The following RBBP9 variants were observed in gnomAD, a reference collection of about 807,000 sequenced individuals.
RBBP9 encodes serine hydrolase RBBP9.
A neutral mutation model predicts 24.2 loss-of-function variants in RBBP9; 20 were observed. The observed-to-expected ratio is 0.83, with a 90% CI of 0.58 to 1.20. The LOEUF is 1.20. Among genes scored for constraint, RBBP9 ranks in the 50% most tolerant of loss-of-function variants. The probability of loss-of-function intolerance (pLI) is 0.00; values close to 1 mark genes in which losing one functional copy is unlikely to be tolerated. For missense variants in RBBP9, 234 were observed against 233.6 expected (o/e 1.00, Z -0.01); for synonymous variants, 74 against 84.6 (o/e 0.87, Z 0.69).
intron 4 of RBBP9, among the ~76,000 whole-genome samples, 165 bp from the exon 5 acceptor site, chr20:18,490,155 T>G (rs2059860031): frequency 6.6e-6 from 1 of 152,284 alleles, no homozygotes; most frequent in South Asian, 2.1e-4. Flanking sequence ...GATACCACAG[T>G]TACTCGTGAA....
In RBBP9 at chr20:18,488,022, G is replaced by A. The variant is rs530983192; in HGVS notation, c.*1742C>T. 6.6e-6 allele frequency: 1 copy of A among 152,242 alleles called. No individual in the cohort carries two copies. Among genetic ancestry groups the A allele is most frequent in the East Asian group, 1.9e-4 (1 of 5,178 alleles). The allele number at this position is 152,242 out of a possible 1,614,324, so 9.4% of individuals were successfully genotyped here. On this transcript the variant is annotated 3_prime_UTR_variant, in exon 5 of 5. Coordinates refer to ENST00000337227, the MANE Select transcript of RBBP9 (RefSeq NM_006606.3). Reference sequence around the variant, plus strand: ...CCATTCCCCAAAGATGATTGCTGTTGAACGATTAGGGTACCTTTCCTGATT... The same window carrying A: ...CCATTCCCCAAAGATGATTGCTGTTAAACGATTAGGGTACCTTTCCTGATT...
chr20:18,492,474 A>G (rs1430565302), intron 3 of RBBP9, among the ~76,000 whole-genome samples: 1 of 152,212 alleles, frequency 6.6e-6, no homozygotes, highest in African/African-American at 2.4e-5. Flanking sequence ...AACTAGACTG[A>G]GGTAAACATT....
intron 2 of RBBP9, 32 bp downstream of exon 2, chr20:18,495,806 T>G (rs1008697282): frequency 6.5e-7 from 1 of 1,529,774 alleles, no homozygotes; most frequent in South Asian, 1.1e-5. Flanking sequence ...CCCAACAAGA[T>G]GAGGCTATTT....
chr20:18,493,814 G>A (rs2059873884), intron 3 of RBBP9, 144 bp downstream of exon 3: 1 of 597,940 alleles, frequency 1.7e-6, no homozygotes. Flanking sequence ...GCAAAACCAG[G>A]AAGGAATTAG....
rs1322734760 is a variant in RBBP9, at chr20:18,495,669, T to C, written c.142+169A>G. On this transcript the variant is annotated intron_variant, in intron 2 of 4. Coordinates refer to ENST00000337227, the MANE Select transcript of RBBP9 (RefSeq NM_006606.3). ...GAAAAAAAAAAAAAAAAAAGAATTTTCTATGGCTTTTGGTTCACACCCTCC... is the reference window on the plus strand; with the variant it reads ...GAAAAAAAAAAAAAAAAAAGAATTTCCTATGGCTTTTGGTTCACACCCTCC... 2.6e-5 allele frequency among the ~76,000 whole-genome samples: 4 copies of C among 151,276 alleles called. 1 individual carries two copies.
chr20:18,494,587 A>G (rs945768970), intron 2 of RBBP9, among the ~76,000 whole-genome samples: 1 of 152,094 alleles, frequency 6.6e-6, no homozygotes, highest in Non-Finnish European at 1.5e-5. Flanking sequence ...AGGCTGACAC[A>G]GGAGAATCAC....
chr20:18,489,704 C>T lies in RBBP9; in HGVS notation c.*60G>A, dbSNP rs2059857028. 1.8e-6 allele frequency: 2 copies of T among 1,133,202 alleles called. No individual in the cohort carries two copies. Among genetic ancestry groups the T allele is most frequent in the African/African-American group, 1.5e-5 (1 of 65,368 alleles). The allele number at this position is 1,133,202 out of a possible 1,614,324, so 70.2% of individuals were successfully genotyped here. On this transcript the variant is annotated 3_prime_UTR_variant, in exon 5 of 5. Transcript: ENST00000337227. ...GATGTTCTATGTGTCTAGTAATCAG[C>T]TGATAGTAGATATTATTCTACTCCT...
chr20:18,496,714 T>C (rs183958931), intron 1 of RBBP9, among the ~76,000 whole-genome samples: 168 of 152,312 alleles, frequency 1.1e-3, no homozygotes, highest in Non-Finnish European at 1.9e-3. Context: ...ATAGCATATT[T>C]AATTTTTTAA....
At position 18,489,542 on chromosome 20, in the gene RBBP9, C is replaced by T. The variant is rs2059856231; in HGVS notation, c.*222G>A. The T allele has an allele frequency of 2.2e-6, 1 of 463,952 alleles. No individual in the cohort carries two copies. Among genetic ancestry groups the T allele is most frequent in the Non-Finnish European group, 3.8e-6 (1 of 260,466 alleles). 28.7% of individuals were successfully genotyped at this position (463,952 alleles called of 1,614,324 possible). A position where few individuals can be genotyped will look rare whatever the true frequency, so the allele number is the denominator to read the frequency against. ...GTTAAGCTGTCCTTATGTTTCTTAT[C>T]AAATGAGGAAAATACTGTGGTAGTT... On this transcript the variant is annotated 3_prime_UTR_variant, in exon 5 of 5. Transcript: ENST00000337227.
intron 1 of RBBP9, among the ~76,000 whole-genome samples, chr20:18,496,663 A>C (rs1482652028): frequency 2.0e-5 from 3 of 152,206 alleles, no homozygotes; most frequent in African/African-American, 7.2e-5. Context: ...ATGCCTCATA[A>C]TGTAGACGCA....
In RBBP9 at chr20:18,486,740, T is replaced by C. The variant is rs186453762; in HGVS notation, c.*3024A>G. The C allele has an allele frequency of 1.2e-4, 18 of 152,330 alleles. No homozygotes were observed. In the East Asian group the frequency reaches 2.7e-3, roughly 23 times the overall value. 9.4% of individuals were successfully genotyped at this position (152,330 alleles called of 1,614,324 possible). A position where few individuals can be genotyped will look rare whatever the true frequency, so the allele number is the denominator to read the frequency against. On this transcript the variant is annotated 3_prime_UTR_variant, in exon 5 of 5. Transcript: ENST00000337227. ...GCATATGAAGTCCTAATACTTACAG[T>C]TGATTTCCATTCAGTATTCGGTATT...
chr20:18,497,139 A>T lies in RBBP9; in HGVS notation c.29T>A (p.Val10Asp), dbSNP rs1258180995. The change falls in exon 1 of 5, where the codon GTT (valine) becomes GAT (aspartate). Residue 10 changes from valine to aspartate, a missense_variant. Transcript: ENST00000337227. MASPSKAVI[V>D]PGNGGGDVTT... Reference sequence around the variant, plus strand: ...CACATCCCCGCCTCCGTTCCCGGGAACAATCACTGCCTTGCTAGGAGAAGC... The same window carrying T: ...CACATCCCCGCCTCCGTTCCCGGGATCAATCACTGCCTTGCTAGGAGAAGC... The T allele has an allele frequency of 6.2e-7, 1 of 1,614,130 alleles. No homozygotes were observed. The highest frequency in any genetic ancestry group is 1.3e-5 in the African/African-American group (1 of 75,072).
At chr20:18,493,306 A>C (rs766750475) in intron 3 of RBBP9, among the ~76,000 whole-genome samples, 1 of 152,196 alleles carries the variant, frequency 6.6e-6, no homozygotes, top group African/African-American at 2.4e-5. Flanking sequence ...ACCATATGCC[A>C]GGCTCTCTTC....
intron 3 of RBBP9, among the ~76,000 whole-genome samples, chr20:18,493,478 C>G (rs781714002): frequency 4.5e-4 from 68 of 152,114 alleles, no homozygotes; most frequent in Non-Finnish European, 8.5e-4. Context: ...AGTGAGGAAG[C>G]CATTTCATAT....
chr20:18,488,081 T>G lies in RBBP9; in HGVS notation c.*1683A>C, dbSNP rs941399889. On this transcript the variant is annotated 3_prime_UTR_variant, in exon 5 of 5. Coordinates refer to ENST00000337227, the MANE Select transcript of RBBP9 (RefSeq NM_006606.3). The stretch of plus-strand genomic sequence containing the variant: ...CTAAGCACATTTAAAAACCAAGACT[T>G]TTGGTTTTGAGCGATAGCTCTGAAT... 5 of 152,146 alleles carry G rather than the reference T, an allele frequency of 3.3e-5. No individual in the cohort carries two copies. The highest frequency in any genetic ancestry group is 7.4e-5 in the Non-Finnish European group (5 of 68,026). 9.4% of individuals were successfully genotyped at this position (152,146 alleles called of 1,614,324 possible).
intron 1 of RBBP9, among the ~76,000 whole-genome samples, chr20:18,496,867 A>G (rs2059888486): frequency 6.6e-6 from 1 of 152,176 alleles, no homozygotes; most frequent in African/African-American, 2.4e-5. Flanking sequence ...CTGAGCCCTC[A>G]GAGAAGTCTT....
At position 18,490,493 on chromosome 20, in the gene RBBP9, A is replaced by T; in HGVS notation, c.249-13T>A. ...TGTTTCTGCATACCTGGAGAAACAAAAATGATGTCAGCTAATATATAATGT... is the reference window on the plus strand; with the variant it reads ...TGTTTCTGCATACCTGGAGAAACAATAATGATGTCAGCTAATATATAATGT... On this transcript the variant is annotated splice_polypyrimidine_tract_variant and intron_variant, in intron 3 of 4. Transcript: ENST00000337227. The T allele has an allele frequency of 6.3e-7, 1 of 1,581,928 alleles. No homozygotes were observed. Among genetic ancestry groups the T allele is most frequent in the Non-Finnish European group, 8.7e-7 (1 of 1,151,264 alleles).
At chr20:18,495,147 G>T (rs1007283092) in intron 2 of RBBP9, among the ~76,000 whole-genome samples, 1 of 149,820 alleles carries the variant, frequency 6.7e-6, no homozygotes, top group African/African-American at 2.5e-5. Context: ...GAATAGAAAG[G>T]GGGGAAAGGT....
At position 18,495,578 on chromosome 20, in the gene RBBP9, GATCAATAAATAA is replaced by G. The variant is rs1358906416; in HGVS notation, c.142+248_142+259del. On this transcript the variant is annotated intron_variant, in intron 2 of 4. Coordinates refer to ENST00000337227, the MANE Select transcript of RBBP9 (RefSeq NM_006606.3). ...CCCTCTGCGAGAAACACCCAAGAATGATCAATAAATAAATAAATAAATAAATAAATAAATAAA... is the reference window on the plus strand; with the variant it reads ...CCCTCTGCGAGAAACACCCAAGAATGATAAATAAATAAATAAATAAATAAA... 2.3e-4 allele frequency among the ~76,000 whole-genome samples: 13 copies of G among 56,136 alleles called. No individual in the cohort carries two copies. In the Admixed American group the frequency reaches 2.5e-3, roughly 11 times the overall value. The allele number at this position is 56,136 out of a possible 152,430, so 36.8% of individuals were successfully genotyped here. A position where few individuals can be genotyped will look rare whatever the true frequency, so the allele number is the denominator to read the frequency against.
Sources: allele counts gnomAD v4.1 joint callset (sites outside exome capture counted in the v4.1 genomes callset), GRCh38; gene constraint gnomAD v4.1.1; transcripts MANE v1.5; gene names NCBI Gene and HGNC (gene_info 2026-07-23, HGNC 2026-07-21).